Variants in DUSP9 observed in about 807,000 individuals in gnomAD.
DUSP9 encodes the protein dual specificity protein phosphatase 9.
Under a neutral mutation model 13.2 loss-of-function variants are expected in DUSP9, and 4 were observed. That is an observed-to-expected ratio of 0.30 (90% CI 0.15 to 0.69). The LOEUF (loss-of-function observed/expected upper bound fraction) is 0.69. Among genes scored for constraint, DUSP9 ranks in the 30% least tolerant of loss-of-function variants. DUSP9 has a pLI of 0.73. For synonymous variants in DUSP9, 166 were observed against 172.3 expected, an observed-to-expected ratio of 0.96 and a Z score of 0.29; for missense variants, 263 against 355.0, an observed-to-expected ratio of 0.74 and a Z score of 2.08.
chrX:153,648,920 C>T (rs782137984), intron 2 of DUSP9, among the ~76,000 whole-genome samples: 18 of 112,269 alleles, frequency 1.6e-4, no homozygotes, highest in Middle Eastern at 4.7e-3. Flanking sequence ...AGCTGATGGC[C>T]GCAGTCCTCC....
chrX:153,649,865 G>T (rs1039970874), intron 3 of DUSP9, 115 bp from the exon 4 acceptor site: 4 of 977,700 alleles, frequency 4.1e-6, no homozygotes, highest in Non-Finnish European at 5.5e-6. Context: ...AAACCTGCAG[G>T]TCGTGGCCAT....
Position 153,650,143 on chromosome X carries a change from C to T in DUSP9, c.993C>T (p.Phe331=), listed in dbSNP as rs782638945. 4.2e-5 allele frequency: 51 copies of T among 1,211,147 alleles called. No individual in the cohort carries two copies. Among genetic ancestry groups the T allele is most frequent in the Non-Finnish European group, 5.4e-5 (48 of 895,417 alleles). The change falls in exon 4 of 4, where the codon TTC becomes TTT. Residue 331 remains phenylalanine, a synonymous_variant. Transcript: ENST00000342782. ...AGAAGTCTAACATCTCCCCCAACTT[C>T]AACTTCATGGGGCAGTTGCTGGACT... ...KRKKSNISPN[F]NFMGQLLDFE... is the part of the protein sequence containing the mutation.
chrX:153,650,220 G>C lies in DUSP9; in HGVS notation c.1070G>C (p.Gly357Ala). ...CGCCACTCGCAGGAGCAGGGCAGTGGGGGGCAGGCATCTGCGGCCTCCAAC... is the reference window on the plus strand; with the variant it reads ...CGCCACTCGCAGGAGCAGGGCAGTGCGGGGCAGGCATCTGCGGCCTCCAAC... ...EERHSQEQGSGGQASAASNPP... is the reference protein window; with the variant it reads ...EERHSQEQGSAGQASAASNPP... The change falls in exon 4 of 4, where the codon GGG (glycine) becomes GCG (alanine). Residue 357 changes from glycine (G) to alanine (A), a missense_variant. Coordinates refer to ENST00000342782, the MANE Select transcript of DUSP9 (RefSeq NM_001318503.2). 8.3e-7 allele frequency: 1 copy of C among 1,211,789 alleles called. No homozygotes were observed. The highest frequency in any genetic ancestry group is 1.1e-6 in the Non-Finnish European group (1 of 895,493).
chrX:153,649,779 A>G, intron 3 of DUSP9, 92 bp downstream of exon 3: 3 of 851,434 alleles, frequency 3.5e-6, no homozygotes, highest in Non-Finnish European at 4.7e-6. Context: ...CCCCGCTGCC[A>G]TTCCCAGAGC....
At chrX:153,646,002 T>C (rs2091186720), upstream of DUSP9, among the ~76,000 whole-genome samples, 1 of 112,986 alleles carries the variant, frequency 8.9e-6, no homozygotes, top group Non-Finnish European at 1.9e-5. Flanking sequence ...ATTCCCTCCT[T>C]CCTGCAGTAT....
rs868940507 is a variant in DUSP9, at chrX:153,650,660, T to A, written c.*355T>A. The stretch of plus-strand genomic sequence containing the variant: ...AAGGGTGTGTGCCACCTCGTTGCAC[T>A]GGATCCCAGTGGCTGCTTGGGGGAG... On this transcript the variant is annotated 3_prime_UTR_variant, in exon 4 of 4. Coordinates refer to ENST00000342782, the MANE Select transcript of DUSP9 (RefSeq NM_001318503.2). 2.0e-5 allele frequency: 2 copies of A among 100,643 alleles called. No homozygotes were observed. The highest frequency in any genetic ancestry group is 2.1e-5 in the Non-Finnish European group (1 of 48,237). The allele number at this position is 100,643 out of a possible 1,213,427, so 8.3% of individuals were successfully genotyped here.
intron 3 of DUSP9, 111 bp downstream of exon 3, chrX:153,649,798 T>G (rs888626296): frequency 2.6e-4 from 228 of 888,173 alleles, no homozygotes; most frequent in Non-Finnish European, 3.3e-4. Context: ...GCCAAAAGCC[T>G]AGGTGACAGT....
Position 153,650,262 on chromosome X carries a change from C to T in DUSP9, c.1112C>T (p.Thr371Ile), listed in dbSNP as rs782808941. ...GCCTCCAACCCGCCCTCCTTCTTCA[C>T]CACCCCCACCAGTGATGGCGCCTTC... ...SAASNPPSFF[T>I]TPTSDGAFEL... The change falls in exon 4 of 4, where the codon ACC becomes ATC. Residue 371 changes from threonine to isoleucine, a missense_variant. Physicochemically the swap from Thr to Ile is moderately conservative, Grantham distance 89. Coordinates refer to ENST00000342782, the MANE Select transcript of DUSP9 (RefSeq NM_001318503.2). 1 of 1,206,098 alleles carries T rather than the reference C, an allele frequency of 8.3e-7. No individual in the cohort carries two copies. The highest frequency in any genetic ancestry group is 1.8e-5 in the South Asian group (1 of 56,182).
At chrX:153,649,805 C>T in intron 3 of DUSP9, 118 bp downstream of exon 3, 1 of 894,579 alleles carries the variant, frequency 1.1e-6, no homozygotes, top group Non-Finnish European at 1.5e-6. Context: ...GCCTAGGTGA[C>T]AGTTCTAGGG....
At position 153,648,089 on chromosome X, in the gene DUSP9, C is replaced by A; in HGVS notation, c.136C>A (p.Leu46Met). 1 of 1,026,636 alleles carries A rather than the reference C, an allele frequency of 9.7e-7. No homozygotes were observed. Among genetic ancestry groups the A allele is most frequent in the Non-Finnish European group, 1.2e-6 (1 of 809,777 alleles). 84.6% of individuals were successfully genotyped at this position (1,026,636 alleles called of 1,213,427 possible). A position where few individuals can be genotyped will look rare whatever the true frequency, so the allele number is the denominator to read the frequency against. ...CATCGGTGGGGCGCTGAGCGTGGCC[C>A]TGCCGGCGCTCCTGCTGCGCCGCCT... The part of the protein sequence containing the change: ...ARIGGALSVA[L>M]PALLLRRLRR... The change falls in exon 2 of 4, where the codon CTG becomes ATG. Residue 46 changes from leucine (L) to methionine (M), a missense_variant. Transcript: ENST00000342782.
At chrX:153,649,717 T>A in intron 3 of DUSP9, 30 bp downstream of exon 3, 1 of 865,051 alleles carries the variant, frequency 1.2e-6, no homozygotes, top group South Asian at 2.1e-5. Context: ...CCTTCCCTCC[T>A]GTCCTCCCCA....
At chrX:153,644,565 A>G (rs2091181742), upstream of DUSP9, among the ~76,000 whole-genome samples, 1 of 111,667 alleles carries the variant, frequency 9.0e-6, no homozygotes, top group African/African-American at 3.2e-5. Flanking sequence ...CGGAGGTGGC[A>G]ACAGGTTCCC....
chrX:153,646,989 C>T (rs1352185986), upstream of DUSP9, among the ~76,000 whole-genome samples: 2 of 112,462 alleles, frequency 1.8e-5, no homozygotes, highest in African/African-American at 6.4e-5. Flanking sequence ...GCCAGGGGAG[C>T]CGCAGCTGGT....
Position 153,648,016 on chromosome X carries a change from G to A in DUSP9, c.63G>A (p.Arg21=). ...LRRELSPPRP[R]LLLLDCRSRE... ...GGGAGCTGTCGCCCCCGCGGCCGCG[G>A]CTCCTGCTCCTGGACTGCCGCAGCC... is the stretch of plus-strand genomic sequence containing the variant. The change falls in exon 2 of 4, where the codon CGG becomes CGA. Residue 21 remains arginine (R), a synonymous_variant. Coordinates refer to ENST00000342782, the MANE Select transcript of DUSP9 (RefSeq NM_001318503.2). 9.1e-7 allele frequency: 1 copy of A among 1,102,075 alleles called. No homozygotes were observed. Among genetic ancestry groups the A allele is most frequent in the Non-Finnish European group, 1.2e-6 (1 of 849,188 alleles). The allele number at this position is 1,102,075 out of a possible 1,213,427, so 90.8% of individuals were successfully genotyped here. A position where few individuals can be genotyped will look rare whatever the true frequency, so the allele number is the denominator to read the frequency against.
Position 153,649,471 on chromosome X carries a change from G to T in DUSP9, c.613G>T (p.Val205Phe), listed in dbSNP as rs2091203650. ...PPVGLRASFPVQILPNLYLGS... is the reference protein window; with the variant it reads ...PPVGLRASFPFQILPNLYLGS... ...AGTGGGGCTGCGGGCATCCTTCCCTGTCCAGATCCTGCCCAACCTCTATCT... is the reference window on the plus strand; with the variant it reads ...AGTGGGGCTGCGGGCATCCTTCCCTTTCCAGATCCTGCCCAACCTCTATCT... The change falls in exon 3 of 4, where the codon GTC becomes TTC. Residue 205 changes from valine to phenylalanine, a missense_variant. Val to Phe is a conservative substitution (Grantham distance 50). Transcript: ENST00000342782. 8.3e-7 allele frequency: 1 copy of T among 1,210,498 alleles called. No individual in the cohort carries two copies. The highest frequency in any genetic ancestry group is 2.2e-5 in the Admixed American group (1 of 45,954).
rs1557035741 is a variant in DUSP9 at position 153,648,017 on chromosome X, C to A, written c.64C>A (p.Leu22Ile). The A allele has an allele frequency of 9.1e-7, 1 of 1,102,758 alleles. No individual in the cohort carries two copies. The highest frequency in any genetic ancestry group is 3.2e-5 in the Admixed American group (1 of 31,166). 90.9% of individuals were successfully genotyped at this position (1,102,758 alleles called of 1,213,427 possible). A position where few individuals can be genotyped will look rare whatever the true frequency, so the allele number is the denominator to read the frequency against. The change falls in exon 2 of 4, where the codon CTC (leucine) becomes ATC (isoleucine). Residue 22 changes from leucine (L) to isoleucine (I), a missense_variant. Coordinates refer to ENST00000342782, the MANE Select transcript of DUSP9 (RefSeq NM_001318503.2). The part of the protein sequence containing the change: ...RRELSPPRPR[L>I]LLLDCRSREL... ...GGAGCTGTCGCCCCCGCGGCCGCGG[C>A]TCCTGCTCCTGGACTGCCGCAGCCG...
chrX:153,643,689 G>A (rs2091177252), upstream of DUSP9: 2 of 271,769 alleles, frequency 7.4e-6, no homozygotes, highest in South Asian at 3.5e-5. Context: ...GCGTCCGCGC[G>A]CGCTGTCTGG....
chrX:153,646,841 G>A (rs781784126), upstream of DUSP9, among the ~76,000 whole-genome samples: 27 of 112,723 alleles, frequency 2.4e-4, no homozygotes, highest in Non-Finnish European at 3.9e-4. Context: ...TTACAGAGAT[G>A]GGGCCACTGA....
In DUSP9 at chrX:153,649,993, C is replaced by T. The variant is rs1557036222; in HGVS notation, c.843C>T (p.Ser281=). ...TGCCCCATCTAGATGAGGCCTTGTC[C>T]CAGAACTGCGGGGTGCTCGTCCACT... ...EAIEFIDEAL[S]QNCGVLVHCL... is the part of the protein sequence containing the mutation. Residue 281 remains serine (S), a synonymous_variant, in exon 4 of 4, where the codon TCC becomes TCT. Coordinates refer to ENST00000342782, the MANE Select transcript of DUSP9 (RefSeq NM_001318503.2). 2 of 1,209,834 alleles carry T rather than the reference C, an allele frequency of 1.7e-6. No individual in the cohort carries two copies. Among genetic ancestry groups the T allele is most frequent in the Admixed American group, 4.4e-5 (2 of 45,969 alleles).
Sources: gnomAD v4.1 joint callset for allele counts (sites outside exome capture counted in the v4.1 genomes callset) on GRCh38, gnomAD v4.1.1 for gene constraint, MANE v1.5 for transcripts, NCBI Gene and HGNC (gene_info 2026-07-23, HGNC 2026-07-21) for gene names.